The following TTC12 variants were observed in gnomAD, a reference collection of about 807,000 sequenced individuals.
TTC12 encodes the protein tetratricopeptide repeat domain 12.
TTC12 carries 70 observed loss-of-function variants against 90.1 expected under a neutral mutation model. The ratio of observed to expected loss-of-function variants is 0.78; its 90% CI spans 0.64 to 0.95. TTC12 has a LOEUF of 0.95. Among genes scored for constraint, TTC12 ranks in the 40% least tolerant of loss-of-function variants. The probability of loss-of-function intolerance (pLI) is 0.00; values close to 1 mark genes in which losing one functional copy is unlikely to be tolerated. For missense variants in TTC12, 819 were observed against 846.1 expected, an observed-to-expected ratio of 0.97 and a Z score of 0.40; for synonymous variants, 296 against 311.5, an observed-to-expected ratio of 0.95 and a Z score of 0.53.
At chr11:113,338,322 G>A (rs1948490874) in intron 8 of TTC12, among the ~76,000 whole-genome samples, 2 of 152,138 alleles carry the variant, frequency 1.3e-5, no homozygotes, top group East Asian at 1.9e-4. Flanking sequence ...TCTCTTCGCA[G>A]CTTGTACATT....
chr11:113,365,752 C>T (rs887891852), intron 21 of TTC12, among the ~76,000 whole-genome samples: 1 of 152,174 alleles, frequency 6.6e-6, no homozygotes, highest in Non-Finnish European at 1.5e-5. Flanking sequence ...AGGGTAACCC[C>T]GGGAGCTGAG....
intron 6 of TTC12, among the ~76,000 whole-genome samples, chr11:113,326,461 C>T (rs1947701328): frequency 4.6e-5 from 7 of 152,116 alleles, no homozygotes; most frequent in Admixed American, 4.6e-4. Context: ...GATGCCCTGT[C>T]ATTTGCAAGA....
At chr11:113,333,840 C>A (rs149183265) in intron 7 of TTC12, among the ~76,000 whole-genome samples, 171 of 152,252 alleles carry the variant, frequency 1.1e-3, no homozygotes, top group African/African-American at 3.6e-3. Context: ...TGTTATTCTT[C>A]TCTCTTTTAT....
chr11:113,345,306 C>T (rs921443796), intron 13 of TTC12, among the ~76,000 whole-genome samples: 1 of 152,296 alleles, frequency 6.6e-6, no homozygotes, highest in African/African-American at 2.4e-5. Context: ...TTTATCTCCC[C>T]TCATCCTGCG....
chr11:113,344,387 C>G lies in TTC12; in HGVS notation c.1101C>G (p.Leu367=). 1 of 1,614,182 alleles carries G rather than the reference C, an allele frequency of 6.2e-7. No individual in the cohort carries two copies. The highest frequency in any genetic ancestry group is 1.3e-5 in the African/African-American group (1 of 75,056). Residue 367 remains leucine (L), a synonymous_variant, in exon 13 of 22, where the codon CTC becomes CTG. Transcript: ENST00000529221. The part of the protein sequence containing the change: ...RQQSFALLLH[L]AQTESGRSLI... The stretch of plus-strand genomic sequence containing the variant: ...AGAGCTTTGCCCTGCTGCTGCATCT[C>G]GCCCAGACTGAGAGCGGACGGAGCC...
chr11:113,372,286 A>C (rs991189186), intron 21 of TTC12, among the ~76,000 whole-genome samples: 8 of 152,218 alleles, frequency 5.3e-5, no homozygotes, highest in African/African-American at 1.7e-4. Context: ...GATTTAGTTA[A>C]CTTGACTTAT....
chr11:113,341,655 G>A, intron 11 of TTC12, 182 bp from the exon 12 acceptor site: 1 of 593,468 alleles, frequency 1.7e-6, no homozygotes, highest in East Asian at 3.1e-5. Flanking sequence ...TCCTCAGTCT[G>A]CATCCGTGGC....
chr11:113,347,181 G>A (rs953308689), intron 13 of TTC12, among the ~76,000 whole-genome samples: 3 of 152,190 alleles, frequency 2.0e-5, no homozygotes, highest in Admixed American at 1.3e-4. Context: ...GTTTAAATTG[G>A]TGAAGGATGA....
At chr11:113,365,982 G>C (rs1428442883) in intron 21 of TTC12, among the ~76,000 whole-genome samples, 1 of 152,218 alleles carries the variant, frequency 6.6e-6, no homozygotes, top group Non-Finnish European at 1.5e-5. Flanking sequence ...GGTCCTGTCT[G>C]ATCAGCCTGA....
At chr11:113,341,297 G>T (rs1555145942) in intron 11 of TTC12, among the ~76,000 whole-genome samples, 1 of 152,208 alleles carries the variant, frequency 6.6e-6, no homozygotes, top group Non-Finnish European at 1.5e-5. Flanking sequence ...GCTCTTCAAA[G>T]TCAGAGAAAT....
chr11:113,318,065 G>A (rs545178423), intron 2 of TTC12, among the ~76,000 whole-genome samples: 1 of 152,278 alleles, frequency 6.6e-6, no homozygotes, highest in Non-Finnish European at 1.5e-5. Context: ...TTAAATTTAT[G>A]TAGCCACATG....
chr11:113,336,836 C>T (rs1435653271), intron 8 of TTC12, among the ~76,000 whole-genome samples: 1 of 152,140 alleles, frequency 6.6e-6, no homozygotes, highest in Non-Finnish European at 1.5e-5. Context: ...TTCTGGTGCT[C>T]TCAAATTTCT....
chr11:113,329,998 T>C lies in TTC12; in HGVS notation c.504+19T>C, dbSNP rs1175963794. 1 of 1,599,074 alleles carries C rather than the reference T, an allele frequency of 6.3e-7. No homozygotes were observed. Among genetic ancestry groups the C allele is most frequent in the Non-Finnish European group, 8.6e-7 (1 of 1,166,364 alleles). On this transcript the variant is annotated intron_variant, in intron 7 of 21. Transcript: ENST00000529221. Reference sequence around the variant, plus strand: ...TCTCAAGGTAAGAGGGTATTTCTTTTCCCACATGATAGTGTTGGGCTGAAG... The same window carrying C: ...TCTCAAGGTAAGAGGGTATTTCTTTCCCCACATGATAGTGTTGGGCTGAAG...
chr11:113,324,925 C>T (rs1263257399), intron 5 of TTC12, among the ~76,000 whole-genome samples: 1 of 152,160 alleles, frequency 6.6e-6, no homozygotes, highest in Non-Finnish European at 1.5e-5. Context: ...CTTCCCTGTG[C>T]ACTTAGCAGA....
chr11:113,341,978 T>A, intron 12 of TTC12, 53 bp downstream of exon 12: 1 of 1,489,546 alleles, frequency 6.7e-7, no homozygotes, highest in Admixed American at 1.7e-5. Flanking sequence ...GTGCAGGAAC[T>A]ACGCTGTTGG....
In TTC12 at chr11:113,338,794, G is replaced by C; in HGVS notation, c.597G>C (p.Lys199Asn). The C allele has an allele frequency of 1.2e-6, 2 of 1,613,992 alleles. No homozygotes were observed. Among genetic ancestry groups the C allele is most frequent in the Non-Finnish European group, 1.7e-6 (2 of 1,179,892 alleles). The part of the protein sequence containing the change: ...NYSVSRECYK[K>N]ILEINPKLQT... ...TCCAGTCTAGAGAGTGTTATAAGAA[G>C]ATCTTAGAAATAAACCCCAAGCTGC... is the stretch of plus-strand genomic sequence containing the variant. The change falls in exon 9 of 22, where the codon AAG becomes AAC. Residue 199 changes from lysine (K) to asparagine (N), a missense_variant. Coordinates refer to ENST00000529221, the MANE Select transcript of TTC12 (RefSeq NM_017868.4).
chr11:113,343,527 G>GTC (rs1253446954), intron 12 of TTC12, among the ~76,000 whole-genome samples: 2 of 152,210 alleles, frequency 1.3e-5, no homozygotes. Context: ...CCTGGTGTGT[G>GTC]TCTTCTACTG....
At chr11:113,323,862 C>A in intron 3 of TTC12, 132 bp from the exon 4 acceptor site, 1 of 661,866 alleles carries the variant, frequency 1.5e-6, no homozygotes, top group Non-Finnish European at 2.6e-6. Flanking sequence ...GAATTCTGAG[C>A]CCTTCAGTTT....
intron 7 of TTC12, among the ~76,000 whole-genome samples, chr11:113,333,336 C>G (rs1413394532): frequency 6.6e-6 from 1 of 152,222 alleles, no homozygotes; most frequent in Non-Finnish European, 1.5e-5. Context: ...CTTCACCTCT[C>G]TGTGTCACTA....
Sources: allele counts gnomAD v4.1 joint callset (sites outside exome capture counted in the v4.1 genomes callset), GRCh38; gene constraint gnomAD v4.1.1; transcripts MANE v1.5; gene names NCBI Gene and HGNC (gene_info 2026-07-23, HGNC 2026-07-21).